The following LZTS1 variants were observed in gnomAD, a reference collection of about 807,000 sequenced individuals.
LZTS1 encodes leucine zipper putative tumor suppressor 1.
A neutral mutation model predicts 45.8 loss-of-function variants in LZTS1; 31 were observed. The observed-to-expected ratio is 0.68, with a 90% CI of 0.51 to 0.91. The LOEUF is 0.91. LZTS1 is among the 40% of genes least tolerant of loss of function. The pLI, the probability that LZTS1 is intolerant of heterozygous loss-of-function variation, is 0.00. For missense variants in LZTS1, 821 were observed against 788.9 expected (o/e 1.04, Z -0.49); for synonymous variants, 359 against 357.3 (o/e 1.00, Z -0.05).
Position 20,253,093 on chromosome 8 carries a change from G to T in LZTS1, c.838C>A (p.Leu280Met). The T allele has an allele frequency of 6.2e-7, 1 of 1,610,466 alleles. No individual in the cohort carries two copies. ...LLEREGALQK[L>M]QRSFEEKELA... ...TCCTTCTCCTCAAAGCTGCGCTGCA[G>T]CTTCTGGAGGGCGCCCTCCCTCTCC... The change falls in exon 3 of 4, where the codon CTG (leucine) becomes ATG (methionine). Residue 280 changes from leucine to methionine, a missense_variant. Physicochemically the swap from Leu to Met is conservative, Grantham distance 15 (BLOSUM62 2). Transcript: ENST00000381569.
chr8:20,269,064 C>T (rs938785002), intron 1 of LZTS1, among the ~76,000 whole-genome samples: 2 of 152,148 alleles, frequency 1.3e-5, no homozygotes, highest in Admixed American at 6.6e-5. Flanking sequence ...ACAAGATTAC[C>T]CACCAATCCC....
chr8:20,272,127 G>A (rs1800485413), intron 1 of LZTS1, among the ~76,000 whole-genome samples: 1 of 152,226 alleles, frequency 6.6e-6, no homozygotes, highest in Non-Finnish European at 1.5e-5. Flanking sequence ...ATCATGTCAT[G>A]AATCATGTCA....
Position 20,303,935 on chromosome 8 carries a change from C to A in LZTS1, c.-330G>T, listed in dbSNP as rs539147898. The A allele has an allele frequency of 1.0e-6, 1 of 981,804 alleles. No homozygotes were observed. Among genetic ancestry groups the A allele is most frequent in the Non-Finnish European group, 1.2e-6 (1 of 827,770 alleles). The allele number at this position is 981,804 out of a possible 1,614,324, so 60.8% of individuals were successfully genotyped here. On this transcript the variant is annotated 5_prime_UTR_variant, in exon 1 of 4. Coordinates refer to ENST00000381569, the MANE Select transcript of LZTS1 (RefSeq NM_021020.5). ...GCCTCCCCGCCCGGCCGCTGCCAAC[C>A]CGCCAGCTCCAGGCGCGCCGGCCTC... is the stretch of plus-strand genomic sequence containing the variant.
intron 1 of LZTS1, among the ~76,000 whole-genome samples, chr8:20,293,502 T>A (rs1425591452): frequency 6.6e-6 from 1 of 152,224 alleles, no homozygotes; most frequent in African/African-American, 2.4e-5. Flanking sequence ...ATGATGTTTT[T>A]CTGGATGTTT....
rs145553599 is a variant in LZTS1 at position 20,286,552 on chromosome 8, G to C, written c.-135+17188C>G. 1.6e-4 allele frequency among the ~76,000 whole-genome samples: 24 copies of C among 152,344 alleles called. No homozygotes were observed. In the East Asian group the frequency reaches 4.4e-3, roughly 28 times the overall value. On this transcript the variant is annotated intron_variant, in intron 1 of 3. Coordinates refer to ENST00000381569, the MANE Select transcript of LZTS1 (RefSeq NM_021020.5). ...CAAGTGAAACTCTCATACACCACTG[G>C]AGGGAGTGCAGACATGCTCAGCCAC...
At position 20,254,852 on chromosome 8, in the gene LZTS1, G is replaced by A. The variant is rs1206038341; in HGVS notation, c.330C>T (p.Ser110=). 1.2e-6 allele frequency: 2 copies of A among 1,608,246 alleles called. No homozygotes were observed. Among genetic ancestry groups the A allele is most frequent in the Non-Finnish European group, 1.7e-6 (2 of 1,176,090 alleles). ...PSTPPKLMPF[S]NQLEMGSEKG... ...CCCCGCTTACCATTTCTAGCTGATT[G>A]GAGAAGGGCATGAGCTTGGGGGGTG... Residue 110 remains serine (S), a synonymous_variant, in exon 2 of 4, where the codon TCC becomes TCT. Coordinates refer to ENST00000381569, the MANE Select transcript of LZTS1 (RefSeq NM_021020.5).
At chr8:20,298,807 A>G (rs528318000) in intron 1 of LZTS1, among the ~76,000 whole-genome samples, 23 of 152,310 alleles carry the variant, frequency 1.5e-4, no homozygotes, top group African/African-American at 5.3e-4. Flanking sequence ...GGAGGTCAAG[A>G]TTGCAGTAAG....
chr8:20,288,987 GTTTTTTTT>G (rs59572169), intron 1 of LZTS1, among the ~76,000 whole-genome samples: 1 of 119,694 alleles, frequency 8.4e-6, no homozygotes, highest in Non-Finnish European at 1.7e-5. Flanking sequence ...ATAGCAGCTG[GTTTTTTTT>G]TTTTTTTTTT....
intron 2 of LZTS1, 142 bp from the exon 3 acceptor site, chr8:20,253,727 A>G (rs1800014963): frequency 1.7e-6 from 1 of 587,354 alleles, no homozygotes; most frequent in Non-Finnish European, 2.8e-6. Context: ...TTGTCTCAGC[A>G]GACCTTGCCT....
In LZTS1 at chr8:20,249,967, G is replaced by C. The variant is rs1304947154; in HGVS notation, c.1546C>G (p.Gln516Glu). ...CCCGAGGACATCTGGTCATGGCCTT[G>C]CCGCTCCTCCCGCAGCTCGGCCCGC... is the stretch of plus-strand genomic sequence containing the variant. ...RLRAELREER[Q>E]GHDQMSSGFQ... Residue 516 changes from glutamine to glutamate, a missense_variant, in exon 4 of 4, where the codon CAA becomes GAA. By Grantham distance (29) the Gln-to-Glu change is conservative. Transcript: ENST00000381569. 2 of 1,613,976 alleles carry C rather than the reference G, an allele frequency of 1.2e-6. No homozygotes were observed. The highest frequency in any genetic ancestry group is 1.7e-6 in the Non-Finnish European group (2 of 1,179,952).
At chr8:20,278,779 C>T (rs959288274) in intron 1 of LZTS1, among the ~76,000 whole-genome samples, 2 of 152,178 alleles carry the variant, frequency 1.3e-5, no homozygotes, top group East Asian at 3.8e-4. Flanking sequence ...TCAAATAGAT[C>T]TTCCACATTG....
chr8:20,296,427 A>C (rs928219564), intron 1 of LZTS1, among the ~76,000 whole-genome samples: 4 of 152,070 alleles, frequency 2.6e-5, no homozygotes, highest in African/African-American at 7.2e-5. Context: ...CCTCCAGAGG[A>C]TCTGTAACTC....
In LZTS1 at chr8:20,302,932, T is replaced by C. The variant is rs559212474; in HGVS notation, c.-135+808A>G. ...CGAAAAAGAGACATCACCTGGCCCT[T>C]GGTGTCTCGGGGATGCCTGTTGCTG... On this transcript the variant is annotated intron_variant, in intron 1 of 3. Coordinates refer to ENST00000381569, the MANE Select transcript of LZTS1 (RefSeq NM_021020.5). 2.4e-4 allele frequency among the ~76,000 whole-genome samples: 37 copies of C among 152,182 alleles called. 2 individuals carry two copies. In the South Asian group the frequency reaches 7.7e-3, roughly 32 times the overall value.
At chr8:20,259,735 A>G (rs34612205) in intron 1 of LZTS1, among the ~76,000 whole-genome samples, 479 of 152,076 alleles carry the variant, frequency 3.1e-3, no homozygotes, top group Non-Finnish European at 5.0e-3. Flanking sequence ...CACATACATC[A>G]GCCTTTCTCA....
chr8:20,298,139 G>A (rs1323109997), intron 1 of LZTS1, among the ~76,000 whole-genome samples: 2 of 151,766 alleles, frequency 1.3e-5, no homozygotes, highest in African/African-American at 2.4e-5. Flanking sequence ...TCCACTCACT[G>A]CAACCTCCAC....
intron 1 of LZTS1, among the ~76,000 whole-genome samples, chr8:20,292,063 C>A (rs1158778303): frequency 6.6e-6 from 1 of 152,220 alleles, no homozygotes; most frequent in East Asian, 1.9e-4. Flanking sequence ...CTGGAAACCT[C>A]ATGGGACACT....
chr8:20,291,106 C>T (rs547449439), intron 1 of LZTS1, among the ~76,000 whole-genome samples: 28 of 152,348 alleles, frequency 1.8e-4, no homozygotes, highest in African/African-American at 3.6e-4. Context: ...GTATCACAGC[C>T]GCCCATTCTA....
chr8:20,263,731 G>A (rs1009332199), intron 1 of LZTS1, among the ~76,000 whole-genome samples: 4 of 152,076 alleles, frequency 2.6e-5, no homozygotes, highest in Admixed American at 6.5e-5. Flanking sequence ...AAAGTGGGGC[G>A]CGGGGTGGAA....
At position 20,274,609 on chromosome 8, in the gene LZTS1, G is replaced by A. The variant is rs74475093; in HGVS notation, c.-134-19294C>T. 8.9e-4 allele frequency among the ~76,000 whole-genome samples: 136 copies of A among 152,282 alleles called. 1 individual carries two copies. In the East Asian group the frequency reaches 0.019, roughly 22 times the overall value. On this transcript the variant is annotated intron_variant, in intron 1 of 3. Transcript: ENST00000381569. Reference sequence around the variant, plus strand: ...GGAGATAAGATTACAGCTGGACAGCGTAACCCAATGGGGCGTAAGTGCGTG... The same window carrying A: ...GGAGATAAGATTACAGCTGGACAGCATAACCCAATGGGGCGTAAGTGCGTG...
Sources: gnomAD v4.1 joint callset for allele counts (sites outside exome capture counted in the v4.1 genomes callset) on GRCh38, gnomAD v4.1.1 for gene constraint, MANE v1.5 for transcripts, NCBI Gene and HGNC (gene_info 2026-07-23, HGNC 2026-07-21) for gene names.